The following NBEA variants were observed in gnomAD, a reference collection of about 807,000 sequenced individuals.
NBEA encodes lysosomal-trafficking regulator 2.
In NBEA, 44 loss-of-function variants were observed where a neutral mutation model predicts 343.4. That is an observed-to-expected ratio of 0.13 (90% CI 0.10 to 0.16). The LOEUF (loss-of-function observed/expected upper bound fraction) is 0.16. NBEA is among the 10% of genes least tolerant of loss of function. The probability of loss-of-function intolerance (pLI) is 1.00; values close to 1 mark genes in which losing one functional copy is unlikely to be tolerated. For missense variants in NBEA, 2,555 were observed against 3,631.3 expected (o/e 0.70, Z 7.62); for synonymous variants, 1,175 against 1,238.7 (o/e 0.95, Z 1.08).
At chr13:35,624,355 C>A (rs759012272) in intron 48 of NBEA, among the ~76,000 whole-genome samples, 48 of 151,976 alleles carry the variant, frequency 3.2e-4, no homozygotes, top group Non-Finnish European at 6.0e-4. Context: ...TGGGAATAAA[C>A]TTAACCAAGA....
chr13:35,379,329 A>G (rs926721697), intron 38 of NBEA, among the ~76,000 whole-genome samples: 2 of 152,100 alleles, frequency 1.3e-5, no homozygotes, highest in Non-Finnish European at 2.9e-5. Flanking sequence ...ATCATGGCCA[A>G]AAAAGGTCAC....
At chr13:35,626,584 TACTC>T in intron 48 of NBEA, among the ~76,000 whole-genome samples, 1 of 152,344 alleles carries the variant, frequency 6.6e-6, no homozygotes, top group Non-Finnish European at 1.5e-5. Flanking sequence ...GAGCAGTAGT[TACTC>T]AATAATGAAC....
intron 34 of NBEA, among the ~76,000 whole-genome samples, chr13:35,280,656 A>T (rs1464291390): frequency 6.6e-6 from 1 of 152,136 alleles, no homozygotes; most frequent in East Asian, 1.9e-4. Context: ...TCTCCAGCAG[A>T]TGGAACATAA....
intron 34 of NBEA, among the ~76,000 whole-genome samples, chr13:35,287,278 A>G (rs766806755): frequency 5.9e-5 from 9 of 151,938 alleles, no homozygotes; most frequent in Non-Finnish European, 4.4e-5. Flanking sequence ...ACTCCTAACT[A>G]TATTTTTGTT....
intron 41 of NBEA, among the ~76,000 whole-genome samples, chr13:35,489,848 T>C (rs2076440538): frequency 6.6e-6 from 1 of 151,970 alleles, no homozygotes; most frequent in Non-Finnish European, 1.5e-5. Context: ...TAATGGAAGT[T>C]TCCTATTTCT....
At chr13:35,540,248 T>G (rs912919029) in intron 41 of NBEA, among the ~76,000 whole-genome samples, 2 of 151,856 alleles carry the variant, frequency 1.3e-5, no homozygotes, top group East Asian at 3.9e-4. Context: ...AGAAAATAAA[T>G]AAGTCTATAG....
At chr13:35,443,581 T>C (rs979980885) in intron 39 of NBEA, among the ~76,000 whole-genome samples, 3 of 152,012 alleles carry the variant, frequency 2.0e-5, no homozygotes, top group African/African-American at 7.2e-5. Flanking sequence ...TATATCTGTA[T>C]TTATTAAATT....
At chr13:35,079,865 A>G (rs569147755) in intron 10 of NBEA, among the ~76,000 whole-genome samples, 1 of 152,268 alleles carries the variant, frequency 6.6e-6, no homozygotes, top group South Asian at 2.1e-4. Flanking sequence ...CCCTTTTGCA[A>G]CTATTCATTT....
chr13:35,523,788 T>G (rs1482998309), intron 41 of NBEA, among the ~76,000 whole-genome samples: 1 of 152,222 alleles, frequency 6.6e-6, no homozygotes, highest in African/African-American at 2.4e-5. Flanking sequence ...TTGTCTTTTC[T>G]GAGAACCAGT....
At chr13:35,069,250 T>C (rs1411270349) in intron 8 of NBEA, among the ~76,000 whole-genome samples, 2 of 152,152 alleles carry the variant, frequency 1.3e-5, no homozygotes, top group South Asian at 2.1e-4. Flanking sequence ...TTAAATATTA[T>C]TTATCATTAT....
chr13:35,012,668 T>C (rs2152534641), intron 1 of NBEA, among the ~76,000 whole-genome samples: 1 of 152,332 alleles, frequency 6.6e-6, no homozygotes, highest in East Asian at 1.9e-4. Context: ...CTATTAATGA[T>C]CAATTATAGT....
intron 40 of NBEA, among the ~76,000 whole-genome samples, chr13:35,468,823 G>A (rs2075514299): frequency 6.6e-6 from 1 of 152,118 alleles, no homozygotes. Context: ...TTGTGGCCGT[G>A]CACAGCGGCT....
intron 36 of NBEA, among the ~76,000 whole-genome samples, chr13:35,348,404 T>C (rs968678688): frequency 6.6e-6 from 1 of 152,042 alleles, no homozygotes; most frequent in African/African-American, 2.4e-5. Context: ...CCTGTTGAGG[T>C]TGAAAATTTG....
At chr13:35,608,777 C>G (rs1385760556) in intron 48 of NBEA, among the ~76,000 whole-genome samples, 1 of 152,102 alleles carries the variant, frequency 6.6e-6, no homozygotes, top group African/African-American at 2.4e-5. Flanking sequence ...CATATGGGTG[C>G]TGATAATAAG....
chr13:34,942,291 A>AG lies in NBEA; in HGVS notation c.-525dup. 1 of 153,684 alleles carries AG rather than the reference A, an allele frequency of 6.5e-6. No individual in the cohort carries two copies. The highest frequency in any genetic ancestry group is 1.5e-5 in the Non-Finnish European group (1 of 68,892). 9.5% of individuals were successfully genotyped at this position (153,684 alleles called of 1,614,324 possible). On this transcript the variant is annotated 5_prime_UTR_variant, in exon 1 of 59. Transcript: ENST00000379939. ...AGGCGCAGTGGCTGCTACCGCAGGCAGGGGGCGGCAACATGGCGGAGTGAG... is the reference window on the plus strand; with the variant it reads ...AGGCGCAGTGGCTGCTACCGCAGGCAGGGGGGCGGCAACATGGCGGAGTGAG...
chr13:35,529,573 C>G (rs7339111), intron 41 of NBEA, among the ~76,000 whole-genome samples: 2,162 of 152,262 alleles, frequency 0.014, 39 homozygotes, highest in African/African-American at 0.048. Context: ...ATGCATATTA[C>G]ATATAACTTT....
intron 32 of NBEA, among the ~76,000 whole-genome samples, chr13:35,210,172 T>C (rs982176038): frequency 6.6e-6 from 1 of 152,150 alleles, no homozygotes; most frequent in East Asian, 1.9e-4. Context: ...TTAATTTCTA[T>C]TTTAAGAATT....
At chr13:35,179,368 A>G (rs1362247803) in intron 28 of NBEA, among the ~76,000 whole-genome samples, 2 of 151,550 alleles carry the variant, frequency 1.3e-5, no homozygotes, top group East Asian at 3.9e-4. Flanking sequence ...CCGGAGAAAC[A>G]TTATATAGCT....
intron 36 of NBEA, among the ~76,000 whole-genome samples, chr13:35,338,108 AAT>A (rs1594269378): frequency 6.6e-6 from 1 of 151,978 alleles, no homozygotes; most frequent in East Asian, 1.9e-4. Flanking sequence ...AGAAGGAAAA[AAT>A]AGCAATTAAA....
Sources: allele counts gnomAD v4.1 joint callset (sites outside exome capture counted in the v4.1 genomes callset), GRCh38; gene constraint gnomAD v4.1.1; transcripts MANE v1.5; gene names NCBI Gene and HGNC (gene_info 2026-07-23, HGNC 2026-07-21).